RBM47: variants seen among roughly 807,000 people sequenced by gnomAD.
The protein encoded by RBM47 is RNA binding motif protein 47.
A neutral mutation model predicts 47.1 loss-of-function variants in RBM47; 21 were observed. The observed-to-expected ratio is 0.45, with a 90% CI of 0.32 to 0.64. The LOEUF is 0.64. Among genes scored for constraint, RBM47 ranks in the 30% least tolerant of loss-of-function variants. The probability of loss-of-function intolerance (pLI) is 0.05; values close to 1 mark genes in which losing one functional copy is unlikely to be tolerated. For missense variants in RBM47, 708 were observed against 870.9 expected, an observed-to-expected ratio of 0.81 and a Z score of 2.35; for synonymous variants, 375 against 361.7, an observed-to-expected ratio of 1.04 and a Z score of -0.42.
chr4:40,628,053 C>T lies in RBM47; in HGVS notation c.-240+1343G>A, dbSNP rs1259061515. Reference sequence around the variant, plus strand: ...GCCTACCTAGCCAGGTAAAGGACGGCACAGCTAGGCTTATTTCTTCATTTG... The same window carrying T: ...GCCTACCTAGCCAGGTAAAGGACGGTACAGCTAGGCTTATTTCTTCATTTG... On this transcript the variant is annotated intron_variant, in intron 1 of 6. Transcript: ENST00000295971. The surrounding 1 kb of genome is among the most constrained non-coding windows in gnomAD (Gnocchi z 4.0). 6.6e-6 allele frequency among the ~76,000 whole-genome samples: 1 copy of T among 152,114 alleles called. No homozygotes were observed. The highest frequency in any genetic ancestry group is 1.5e-5 in the Non-Finnish European group (1 of 68,024).
chr4:40,446,510 G>A (rs933440669), intron 3 of RBM47, among the ~76,000 whole-genome samples: 2 of 152,262 alleles, frequency 1.3e-5, no homozygotes, highest in African/African-American at 4.8e-5. Flanking sequence ...TGCTGAGGCA[G>A]GAGAATTGCT....
chr4:40,465,145 A>G (rs1341269017), intron 3 of RBM47, among the ~76,000 whole-genome samples: 2 of 152,136 alleles, frequency 1.3e-5, no homozygotes, highest in African/African-American at 4.8e-5. Flanking sequence ...CCTAGGGAAC[A>G]TGAAGACAAA....
At chr4:40,514,733 C>T (rs527439564) in intron 2 of RBM47, 1 of 152,246 alleles carries the variant, frequency 6.6e-6, no homozygotes, top group Non-Finnish European at 1.5e-5. Flanking sequence ...AATGAACAAG[C>T]AGGCTCTATT....
intron 2 of RBM47, among the ~76,000 whole-genome samples, chr4:40,511,747 G>A (rs946643138): frequency 3.3e-5 from 5 of 151,994 alleles, no homozygotes; most frequent in Admixed American, 6.6e-5. Context: ...GTTGAGGTCA[G>A]GAGATGGTGA....
intron 1 of RBM47, among the ~76,000 whole-genome samples, chr4:40,549,663 C>T (rs1181944627): frequency 6.6e-6 from 1 of 151,752 alleles, no homozygotes; most frequent in Non-Finnish European, 1.5e-5. Context: ...GCTGGGATTA[C>T]AGGTGTGTGG....
At chr4:40,614,363 A>C (rs1386781340) in intron 1 of RBM47, among the ~76,000 whole-genome samples, 2 of 152,144 alleles carry the variant, frequency 1.3e-5, no homozygotes, top group Non-Finnish European at 2.9e-5. Context: ...CCTAGTCCAA[A>C]ATCTCCCCTC....
At chr4:40,434,542 C>T (rs1275064833) in intron 5 of RBM47, among the ~76,000 whole-genome samples, 1 of 152,094 alleles carries the variant, frequency 6.6e-6, no homozygotes, top group Non-Finnish European at 1.5e-5. Flanking sequence ...GAGTTCCCTT[C>T]TCAACAAGTA....
chr4:40,488,455 T>G (rs1471693222), intron 2 of RBM47, among the ~76,000 whole-genome samples: 1 of 152,144 alleles, frequency 6.6e-6, no homozygotes, highest in Non-Finnish European at 1.5e-5. Context: ...ATGCCTCAAA[T>G]TTGTTTAGGA....
intron 1 of RBM47, among the ~76,000 whole-genome samples, chr4:40,619,421 A>C (rs1350110909): frequency 6.6e-6 from 1 of 152,036 alleles, no homozygotes; most frequent in Non-Finnish European, 1.5e-5. Context: ...GTTGTCTTTT[A>C]AGAAGTCGTC....
intron 2 of RBM47, among the ~76,000 whole-genome samples, chr4:40,499,009 C>T (rs1723013241): frequency 6.6e-6 from 1 of 152,140 alleles, no homozygotes; most frequent in South Asian, 2.1e-4. Flanking sequence ...TACACCATTG[C>T]ACTCCAGCCT....
At chr4:40,580,865 A>G (rs1306842429) in intron 1 of RBM47, among the ~76,000 whole-genome samples, 1 of 152,244 alleles carries the variant, frequency 6.6e-6, no homozygotes, top group Non-Finnish European at 1.5e-5. Flanking sequence ...GGCCACTCTG[A>G]TATTTGTGCT....
At chr4:40,554,914 A>G (rs930839787) in intron 1 of RBM47, among the ~76,000 whole-genome samples, 1 of 151,902 alleles carries the variant, frequency 6.6e-6, no homozygotes, top group Non-Finnish European at 1.5e-5. Flanking sequence ...GGCACGCACC[A>G]CAACACTCAG....
At chr4:40,616,100 C>T (rs1315822736) in intron 1 of RBM47, among the ~76,000 whole-genome samples, 2 of 152,142 alleles carry the variant, frequency 1.3e-5, no homozygotes, top group South Asian at 2.1e-4. Context: ...CGCTTGTAAT[C>T]CCAGCACTTT....
Position 40,568,175 on chromosome 4 carries a change from C to A in RBM47, c.-239-23669G>T, listed in dbSNP as rs1731269905. ...GTGGCTCACATGCCACCTGTAATCCCAGCACTTTGGGAGGCGAAGGCAGGA... is the reference window on the plus strand; with the variant it reads ...GTGGCTCACATGCCACCTGTAATCCAAGCACTTTGGGAGGCGAAGGCAGGA... On this transcript the variant is annotated intron_variant, in intron 1 of 6. Coordinates refer to ENST00000295971, the MANE Select transcript of RBM47 (RefSeq NM_001098634.2). Among the ~76,000 whole-genome samples, 3 of 151,702 alleles carry A rather than the reference C, an allele frequency of 2.0e-5. No individual in the cohort carries two copies. The South Asian group carries it at 6.2e-4, about 32-fold the overall frequency.
At chr4:40,498,062 AT>A (rs1417306082) in intron 2 of RBM47, among the ~76,000 whole-genome samples, 1 of 136,954 alleles carries the variant, frequency 7.3e-6, no homozygotes, top group East Asian at 2.3e-4. Flanking sequence ...TTTTATATAT[AT>A]ATATATATAT....
At chr4:40,436,944 A>C (rs534881881) in intron 4 of RBM47, 47,034 of 400,692 alleles carry the variant, frequency 0.12, 2,508 homozygotes, top group Non-Finnish European at 0.13. Flanking sequence ...CCCCCCCGCC[A>C]AAAAAAAAAC....
rs1282762755 is a variant in RBM47, at chr4:40,464,920, AAAG to A, written c.-32+1654_-32+1656del. Among the ~76,000 whole-genome samples the A allele has an allele frequency of 4.8e-3, 704 of 148,156 alleles. 9 individuals carry two copies. Among genetic ancestry groups the A allele is most frequent in the African/African-American group, 0.017 (681 of 40,202 alleles). The stretch of plus-strand genomic sequence containing the variant: ...AAAAAAAAAAAAAAAAAAAAAAGGA[AAAG>A]AAAATTAAACAACCAAACAAAATCA... On this transcript the variant is annotated intron_variant, in intron 3 of 6. Transcript: ENST00000295971.
chr4:40,493,895 C>T (rs1722234186), intron 2 of RBM47, among the ~76,000 whole-genome samples: 1 of 151,258 alleles, frequency 6.6e-6, no homozygotes, highest in African/African-American at 2.4e-5. Flanking sequence ...GCCAAGATCG[C>T]ACCACTGCAC....
intron 2 of RBM47, among the ~76,000 whole-genome samples, chr4:40,512,714 C>CAAAAA: frequency 2.3e-5 from 1 of 43,248 alleles, no homozygotes; most frequent in Non-Finnish European, 5.3e-5. Flanking sequence ...GACTTCATCT[C>CAAAAA]AAAAAAAAAA....
Sources: allele counts gnomAD v4.1 joint callset (sites outside exome capture counted in the v4.1 genomes callset), GRCh38; gene constraint gnomAD v4.1.1; non-coding constraint Gnocchi (gnomAD v3.1); transcripts MANE v1.5; gene names NCBI Gene and HGNC (gene_info 2026-07-23, HGNC 2026-07-21).